The following TUT4 variants were observed in gnomAD, a reference collection of about 807,000 sequenced individuals.
The protein encoded by TUT4 is terminal uridylyl transferase 4.
Under a neutral mutation model 192.2 loss-of-function variants are expected in TUT4, and 36 were observed. That is an observed-to-expected ratio of 0.19 (90% confidence interval 0.14 to 0.25). TUT4 has a LOEUF of 0.25. Ranked by LOEUF, TUT4 falls within the 10% of genes least tolerant of loss-of-function variation. TUT4 has a pLI of 1.00. For synonymous variants in TUT4, 618 were observed against 666.0 expected, an observed-to-expected ratio of 0.93 and a Z score of 1.11; for missense variants, 1,493 against 1,957.2, an observed-to-expected ratio of 0.76 and a Z score of 4.47.
rs189262359 is a variant in TUT4, at chr1:52,531,852, C to A, written c.-93-5479G>T. Among the ~76,000 whole-genome samples, 85 of 147,756 alleles carry A rather than the reference C, an allele frequency of 5.8e-4. No homozygotes were observed. The Middle Eastern group carries it at 0.01, about 18-fold the overall frequency. On this transcript the variant is annotated intron_variant, in intron 1 of 29. Coordinates refer to ENST00000257177, the MANE Select transcript of TUT4 (RefSeq NM_001009881.3). ...CTTAAACCTATTTATGTTTTTACTT[C>A]CTATCTGAACAGTAGAGACTGTCTT...
intron 4 of TUT4, among the ~76,000 whole-genome samples, chr1:52,498,934 AT>A (rs1673303090): frequency 9.5e-6 from 1 of 104,894 alleles, no homozygotes; most frequent in Non-Finnish European, 1.8e-5. Flanking sequence ...ATATATATAT[AT>A]ATATATATAT....
chr1:52,503,564 T>G (rs1216933298), intron 4 of TUT4, among the ~76,000 whole-genome samples: 1 of 152,126 alleles, frequency 6.6e-6, no homozygotes, highest in Non-Finnish European at 1.5e-5. Flanking sequence ...CCTCCTTAGT[T>G]GCCAAATCTG....
chr1:52,448,588 CAAAAAAAAAAA>C (rs1190767355), intron 20 of TUT4, among the ~76,000 whole-genome samples: 36 of 40,804 alleles, frequency 8.8e-4, no homozygotes, highest in South Asian at 2.0e-3. Flanking sequence ...GATTCTGTCT[CAAAAAAAAAAA>C]AAAAAAAAAA....
At chr1:52,543,780 G>T (rs1283416455) in intron 1 of TUT4, among the ~76,000 whole-genome samples, 1 of 151,668 alleles carries the variant, frequency 6.6e-6, no homozygotes, top group Non-Finnish European at 1.5e-5. Flanking sequence ...CACTGTGCCT[G>T]GCCTTACTGT....
At chr1:52,544,321 T>C (rs1017971567) in intron 1 of TUT4, among the ~76,000 whole-genome samples, 1 of 149,872 alleles carries the variant, frequency 6.7e-6, no homozygotes, top group Non-Finnish European at 1.5e-5. Flanking sequence ...ATCAAAATAG[T>C]ATGGTATTAG....
intron 8 of TUT4, among the ~76,000 whole-genome samples, 178 bp downstream of exon 8, chr1:52,490,554 A>G (rs1321216323): frequency 1.3e-5 from 2 of 152,066 alleles, no homozygotes; most frequent in Non-Finnish European, 2.9e-5. Flanking sequence ...GATGTTCTAT[A>G]TATTTCTTGT....
intron 11 of TUT4, among the ~76,000 whole-genome samples, chr1:52,478,622 C>A (rs1350790815): frequency 1.3e-5 from 2 of 152,174 alleles, no homozygotes; most frequent in Non-Finnish European, 2.9e-5. Context: ...TAAGGTCCTA[C>A]TTCATAGACT....
chr1:52,546,379 A>C (rs1477323017), intron 1 of TUT4, among the ~76,000 whole-genome samples: 1 of 152,216 alleles, frequency 6.6e-6, no homozygotes, highest in Non-Finnish European at 1.5e-5. Flanking sequence ...AAAAAGAAGG[A>C]AATTCTGCAA....
chr1:52,488,972 A>T lies in TUT4; in HGVS notation c.1452T>A (p.Thr484=). The T allele has an allele frequency of 6.2e-7, 1 of 1,613,908 alleles. No individual in the cohort carries two copies. Among genetic ancestry groups the T allele is most frequent in the Non-Finnish European group, 8.5e-7 (1 of 1,179,896 alleles). The change falls in exon 9 of 30, where the codon ACT becomes ACA. Residue 484 remains threonine (T), a synonymous_variant. Transcript: ENST00000257177. The stretch of plus-strand genomic sequence containing the variant: ...AGACAGGTTCTATTTTGCCAAGGGC[A>T]GTAAGTAAATCAGTAGTGAGACATG... The part of the protein sequence containing the change: ...DMACLTTDLL[T]ALGKIEPVFI...
chr1:52,438,771 G>A (rs981780840), intron 24 of TUT4, among the ~76,000 whole-genome samples: 1 of 152,124 alleles, frequency 6.6e-6, no homozygotes, highest in Non-Finnish European at 1.5e-5. Flanking sequence ...ATTATTCTCT[G>A]TACAAAATTG....
At chr1:52,526,676 G>T (rs549271045) in intron 1 of TUT4, among the ~76,000 whole-genome samples, 79 of 152,220 alleles carry the variant, frequency 5.2e-4, no homozygotes, top group Non-Finnish European at 1.0e-3. Context: ...ACTAAAACTT[G>T]CAATTGAATG....
At chr1:52,459,675 G>C (rs1003637333) in intron 19 of TUT4, among the ~76,000 whole-genome samples, 12 of 152,066 alleles carry the variant, frequency 7.9e-5, no homozygotes, top group Non-Finnish European at 1.3e-4. Context: ...GAGGTCAGGA[G>C]TTCAAGACCA....
chr1:52,541,558 C>T (rs1389360528), intron 1 of TUT4, among the ~76,000 whole-genome samples: 10 of 150,698 alleles, frequency 6.6e-5, no homozygotes, highest in African/African-American at 2.2e-4. Flanking sequence ...GAAACTCCTA[C>T]ATCATATCAC....
intron 4 of TUT4, among the ~76,000 whole-genome samples, chr1:52,506,084 C>G (rs1675477871): frequency 1.3e-5 from 2 of 152,128 alleles, no homozygotes; most frequent in Non-Finnish European, 2.9e-5. Flanking sequence ...TCCCAAAGTG[C>G]TAGGATTACA....
chr1:52,450,497 C>T (rs1408595037), intron 20 of TUT4, among the ~76,000 whole-genome samples: 2 of 152,042 alleles, frequency 1.3e-5, no homozygotes, highest in African/African-American at 4.8e-5. Context: ...ATATGGTAGT[C>T]CTACCTACAT....
At chr1:52,464,853 G>A in intron 16 of TUT4, 1 of 394,080 alleles carries the variant, frequency 2.5e-6, no homozygotes, top group East Asian at 4.0e-5. Context: ...TCAGTGACAT[G>A]GTTTTTGTAT....
intron 13 of TUT4, among the ~76,000 whole-genome samples, chr1:52,474,080 C>T (rs559061292): frequency 7.9e-5 from 12 of 152,194 alleles, no homozygotes; most frequent in South Asian, 6.2e-4. Flanking sequence ...TGGTGGCATG[C>T]GCCTGTTGTC....
chr1:52,535,814 T>C (rs1400723204), intron 1 of TUT4, among the ~76,000 whole-genome samples: 1 of 152,182 alleles, frequency 6.6e-6, no homozygotes, highest in Non-Finnish European at 1.5e-5. Flanking sequence ...AACAGCTGAT[T>C]GCCCATAAGA....
Position 52,489,185 on chromosome 1 carries a change from G to A in TUT4, c.1389-150C>T, listed in dbSNP as rs527237478. ...AAACAAATGTTTTAATAAATTTAGA[G>A]CTAACTGAAAACTACATGTCATTCC... On this transcript the variant is annotated intron_variant, in intron 8 of 29. Coordinates refer to ENST00000257177, the MANE Select transcript of TUT4 (RefSeq NM_001009881.3). 29 of 690,658 alleles carry A rather than the reference G, an allele frequency of 4.2e-5. No individual in the cohort carries two copies. The East Asian group carries it at 9.0e-4, about 21-fold the overall frequency. The allele number at this position is 690,658 out of a possible 1,614,324, so 42.8% of individuals were successfully genotyped here. A position where few individuals can be genotyped will look rare whatever the true frequency, so the allele number is the denominator to read the frequency against.
Sources: allele counts gnomAD v4.1 joint callset (sites outside exome capture counted in the v4.1 genomes callset), GRCh38; gene constraint gnomAD v4.1.1; transcripts MANE v1.5; gene names NCBI Gene and HGNC (gene_info 2026-07-23, HGNC 2026-07-21).